Variants in FNIP1 observed in about 807,000 individuals in gnomAD.
FNIP1 encodes folliculin-interacting protein 1.
FNIP1 carries 40 observed loss-of-function variants against 124.5 expected under a neutral mutation model. The observed-to-expected ratio is 0.32, with a 90% CI of 0.25 to 0.42. The LOEUF (loss-of-function observed/expected upper bound fraction) is 0.42, where lower values mean the gene tolerates loss of function less well. Among genes scored for constraint, FNIP1 ranks in the 10% least tolerant of loss-of-function variants. The pLI, the probability that FNIP1 is intolerant of heterozygous loss-of-function variation, is 1.00. For synonymous variants in FNIP1, 472 were observed against 470.6 expected (o/e 1.00, Z -0.04); for missense variants, 1,176 against 1,403.7 (o/e 0.84, Z 2.59).
chr5:131,713,351 C>G (rs894610772), intron 6 of FNIP1, among the ~76,000 whole-genome samples: 5 of 152,062 alleles, frequency 3.3e-5, no homozygotes, highest in African/African-American at 1.2e-4. Flanking sequence ...CGGCCTCGTA[C>G]CCCTTCTTAA....
intron 2 of FNIP1, among the ~76,000 whole-genome samples, chr5:131,737,111 A>T (rs182543768): frequency 2.8e-4 from 42 of 152,362 alleles, no homozygotes; most frequent in Middle Eastern, 3.4e-3. Flanking sequence ...TCTCTGAGAT[A>T]ACAAAGTAAA....
chr5:131,769,852 T>C (rs1479359197), intron 1 of FNIP1, among the ~76,000 whole-genome samples: 1 of 152,238 alleles, frequency 6.6e-6, no homozygotes, highest in Non-Finnish European at 1.5e-5. Flanking sequence ...TATAAGTACA[T>C]GACTACGAGA....
chr5:131,770,664 T>C (rs989940762), intron 1 of FNIP1, among the ~76,000 whole-genome samples: 11 of 152,226 alleles, frequency 7.2e-5, no homozygotes, highest in African/African-American at 2.7e-4. Context: ...TCTGTGATTG[T>C]AGAGAAGTGC....
At chr5:131,740,184 G>A (rs1770467177) in intron 2 of FNIP1, among the ~76,000 whole-genome samples, 1 of 152,208 alleles carries the variant, frequency 6.6e-6, no homozygotes, top group African/African-American at 2.4e-5. Flanking sequence ...TTAAGTGTAT[G>A]CATAGGCAAC....
chr5:131,678,027 C>G (rs1767961796), intron 12 of FNIP1, among the ~76,000 whole-genome samples, 155 bp from the exon 13 acceptor site: 1 of 151,940 alleles, frequency 6.6e-6, no homozygotes, highest in South Asian at 2.1e-4. Flanking sequence ...GTATATAACA[C>G]CAAGATTAAA....
At chr5:131,741,763 A>G (rs1346049641) in intron 2 of FNIP1, among the ~76,000 whole-genome samples, 3 of 152,188 alleles carry the variant, frequency 2.0e-5, no homozygotes, top group Non-Finnish European at 4.4e-5. Context: ...TACAATGACT[A>G]TTTTTTAACG....
intron 11 of FNIP1, among the ~76,000 whole-genome samples, chr5:131,697,968 C>CAAAAAA (rs753487190): frequency 1.0e-4 from 6 of 58,748 alleles, no homozygotes; most frequent in South Asian, 7.3e-4. Flanking sequence ...GACTCCACCT[C>CAAAAAA]AAAAAAAAAA....
intron 1 of FNIP1, 38 bp downstream of exon 1, chr5:131,796,792 G>T: frequency 6.5e-7 from 1 of 1,538,580 alleles, no homozygotes. Context: ...AGCCCACAAG[G>T]CCATCGGCTC....
intron 15 of FNIP1, among the ~76,000 whole-genome samples, chr5:131,653,340 C>G (rs1209844893): frequency 6.6e-6 from 1 of 152,016 alleles, no homozygotes; most frequent in African/African-American, 2.4e-5. Flanking sequence ...GAGTTTGAGA[C>G]CAACCTGGCC....
Position 131,687,391 on chromosome 5 carries a change from C to T in FNIP1, c.1203-8216G>A, listed in dbSNP as rs200588380. Among the ~76,000 whole-genome samples, 6 of 152,188 alleles carry T rather than the reference C, an allele frequency of 3.9e-5. No individual in the cohort carries two copies. In the East Asian group the frequency reaches 1.2e-3, roughly 29 times the overall value. ...AAAGTGCTGGGATTACAGGCATGAG[C>T]TACTATACCTGGCCCAATTTCAGTT... On this transcript the variant is annotated intron_variant, in intron 11 of 17. Coordinates refer to ENST00000510461, the MANE Select transcript of FNIP1 (RefSeq NM_133372.3).
At chr5:131,726,921 C>T (rs1056430786) in intron 3 of FNIP1, among the ~76,000 whole-genome samples, 6 of 152,048 alleles carry the variant, frequency 3.9e-5, no homozygotes, top group Non-Finnish European at 7.4e-5. Flanking sequence ...GTAGTCATTC[C>T]GGAGCAGGTT....
intron 10 of FNIP1, 125 bp downstream of exon 10, chr5:131,703,940 C>A (rs32107): frequency 0.71 from 528,006 of 740,380 alleles, 193,666 homozygotes; most frequent in Non-Finnish European, 0.77. Context: ...TTTGCATCCA[C>A]CAGAGCACTT....
rs751442411 is a variant in FNIP1 at position 131,710,568 on chromosome 5, C to T, written c.706+10G>A. On this transcript the variant is annotated intron_variant, in intron 7 of 17. Transcript: ENST00000510461. Reference sequence around the variant, plus strand: ...CACCAACTAGTCTACCCACACAGCACATCGCAAACCTGCAAAGAAAGAGGC... The same window carrying T: ...CACCAACTAGTCTACCCACACAGCATATCGCAAACCTGCAAAGAAAGAGGC... The T allele has an allele frequency of 6.2e-7, 1 of 1,612,996 alleles. No individual in the cohort carries two copies.
At chr5:131,707,783 C>T (rs1769162964) in intron 8 of FNIP1, among the ~76,000 whole-genome samples, 1 of 152,106 alleles carries the variant, frequency 6.6e-6, no homozygotes, top group Admixed American at 6.5e-5. Context: ...AGAAAACACA[C>T]ATTAACTTAA....
chr5:131,786,866 T>A (rs970381555), intron 1 of FNIP1, among the ~76,000 whole-genome samples: 1 of 152,216 alleles, frequency 6.6e-6, no homozygotes, highest in Admixed American at 6.5e-5. Context: ...ATTTCTTTTC[T>A]TTATACATTA....
chr5:131,764,088 CT>C (rs1346913603), intron 1 of FNIP1, among the ~76,000 whole-genome samples: 2 of 151,500 alleles, frequency 1.3e-5, no homozygotes, highest in Non-Finnish European at 2.9e-5. Flanking sequence ...GCCCCCTTGC[CT>C]TTTTTTTGCT....
rs117321827 is a variant in FNIP1 at position 131,783,131 on chromosome 5, T to C, written c.92+13699A>G. On this transcript the variant is annotated intron_variant, in intron 1 of 17. Coordinates refer to ENST00000510461, the MANE Select transcript of FNIP1 (RefSeq NM_133372.3). ...TTTGGCAATATTTACTGGCCTAGAA[T>C]TGAACATGCAATATCACCTGTGTAT... Among the ~76,000 whole-genome samples, 111 of 152,316 alleles carry C rather than the reference T, an allele frequency of 7.3e-4. 2 individuals carry two copies. The East Asian group carries it at 0.021, about 29-fold the overall frequency.
intron 1 of FNIP1, among the ~76,000 whole-genome samples, chr5:131,757,365 A>T (rs1209881681): frequency 6.6e-6 from 1 of 152,242 alleles, no homozygotes; most frequent in Non-Finnish European, 1.5e-5. Context: ...AGTGATCTGG[A>T]AAGAAGGACT....
chr5:131,796,883 C>T lies in FNIP1; in HGVS notation c.39G>A (p.Arg13=). Residue 13 remains arginine (R), a synonymous_variant, in exon 1 of 18, where the codon AGG becomes AGA. Transcript: ENST00000510461. ...CGCGGCCGGGCGCGCCCAGCCCGGT[C>T]CTCTTGCTGAAGAGCTTCTGGAACA... The part of the protein sequence containing the change: ...PTLFQKLFSK[R]TGLGAPGRDA... 2.5e-6 allele frequency: 4 copies of T among 1,609,120 alleles called. No individual in the cohort carries two copies. Among genetic ancestry groups the T allele is most frequent in the Non-Finnish European group, 3.4e-6 (4 of 1,178,394 alleles).
Sources: allele counts gnomAD v4.1 joint callset (sites outside exome capture counted in the v4.1 genomes callset), GRCh38; gene constraint gnomAD v4.1.1; transcripts MANE v1.5; gene names NCBI Gene and HGNC (gene_info 2026-07-23, HGNC 2026-07-21).